PGPEP1L: variants seen among roughly 807,000 people sequenced by gnomAD.
PGPEP1L encodes the protein pyroglutamyl-peptidase I like, also known as pyroglutamyl-peptidase 1-like protein.
Under a neutral mutation model 6.0 loss-of-function variants are expected in PGPEP1L, and 7 were observed. That is an observed-to-expected ratio of 1.17 (90% CI 0.66 to 2.19). PGPEP1L has a LOEUF of 2.19. Among genes scored for constraint, PGPEP1L ranks in the 30% most tolerant of loss-of-function variants. The probability of loss-of-function intolerance (pLI) is 0.00; values close to 1 mark genes in which losing one functional copy is unlikely to be tolerated. For synonymous variants in PGPEP1L, 103 were observed against 83.9 expected (o/e 1.23, Z -1.24); for missense variants, 209 against 192.5 (o/e 1.09, Z -0.51).
At chr15:98,985,481 T>C (rs1409960891) in intron 2 of PGPEP1L, among the ~76,000 whole-genome samples, 1 of 152,206 alleles carries the variant, frequency 6.6e-6, no homozygotes, top group Non-Finnish European at 1.5e-5. Flanking sequence ...GAAGTTGCAG[T>C]GAGCCAAGAT....
At chr15:98,982,339 T>TATTCTTGTGGATTCTTGTGG (rs147120387) in intron 2 of PGPEP1L, among the ~76,000 whole-genome samples, 2 of 152,138 alleles carry the variant, frequency 1.3e-5, no homozygotes, top group African/African-American at 4.8e-5. Context: ...ACAGTCCCCA[T>TATTCTTGTGGATTCTTGTGG]ATTCTTGTGG....
At chr15:98,973,510 T>C (rs1485657086) in intron 2 of PGPEP1L, among the ~76,000 whole-genome samples, 1 of 152,190 alleles carries the variant, frequency 6.6e-6, no homozygotes, top group Non-Finnish European at 1.5e-5. Context: ...ATCAAGTATC[T>C]TTTCTGACCA....
chr15:98,978,359 G>C (rs1359831997), intron 2 of PGPEP1L, among the ~76,000 whole-genome samples: 1 of 152,180 alleles, frequency 6.6e-6, no homozygotes, highest in Non-Finnish European at 1.5e-5. Flanking sequence ...ACAGATGTCA[G>C]TGTAGAGTCC....
intron 2 of PGPEP1L, among the ~76,000 whole-genome samples, chr15:98,987,935 A>G (rs2017770619): frequency 6.6e-6 from 1 of 152,076 alleles, no homozygotes; most frequent in South Asian, 2.1e-4. Flanking sequence ...CTGTACTAGG[A>G]GGAACAGTGC....
chr15:98,971,599 A>C (rs1171127980), intron 2 of PGPEP1L, among the ~76,000 whole-genome samples: 1 of 152,236 alleles, frequency 6.6e-6, no homozygotes, highest in African/African-American at 2.4e-5. Context: ...AGAAGAAATA[A>C]AGACTTTCCC....
chr15:98,969,523 G>C lies in PGPEP1L; in HGVS notation c.111C>G (p.Gly37=). Reference sequence around the variant, plus strand: ...CCCCTGACTCCAGCACGTCTGGGCTGCCAGGTAGGCACACGCCGCCCTCGG... The same window carrying C: ...CCCCTGACTCCAGCACGTCTGGGCTCCCAGGTAGGCACACGCCGCCCTCGG... ...FWPEGGVCLP[G]SPDVLESGVC... The change falls in exon 4 of 5, where the codon GGC becomes GGG. Residue 37 remains glycine (G), a synonymous_variant. Transcript: ENST00000535714. 6.2e-7 allele frequency: 1 copy of C among 1,614,024 alleles called. No individual in the cohort carries two copies. Among genetic ancestry groups the C allele is most frequent in the Non-Finnish European group, 8.5e-7 (1 of 1,179,910 alleles).
At chr15:98,972,451 G>C (rs1370404680) in intron 2 of PGPEP1L, among the ~76,000 whole-genome samples, 1 of 151,954 alleles carries the variant, frequency 6.6e-6, no homozygotes, top group Non-Finnish European at 1.5e-5. Flanking sequence ...AATAAAGATA[G>C]TAAGAGAGGA....
intron 2 of PGPEP1L, among the ~76,000 whole-genome samples, chr15:98,987,638 T>G (rs1200937255): frequency 1.3e-5 from 2 of 152,156 alleles, no homozygotes; most frequent in Non-Finnish European, 2.9e-5. Flanking sequence ...TACTTATCTG[T>G]TTTGTAATTT....
intron 2 of PGPEP1L, among the ~76,000 whole-genome samples, chr15:98,983,478 G>A (rs2017698779): frequency 1.3e-5 from 2 of 152,126 alleles, no homozygotes; most frequent in East Asian, 1.9e-4. Context: ...TAATGTCTTG[G>A]CCCAACTGAC....
At chr15:99,006,444 A>G (rs782393872) in intron 1 of PGPEP1L, among the ~76,000 whole-genome samples, 17 of 152,284 alleles carry the variant, frequency 1.1e-4, no homozygotes, top group Non-Finnish European at 1.5e-5. Flanking sequence ...TGTCAGAATA[A>G]CTGAAAAAGG....
At chr15:98,984,897 G>T (rs1010190723) in intron 2 of PGPEP1L, among the ~76,000 whole-genome samples, 2 of 152,068 alleles carry the variant, frequency 1.3e-5, no homozygotes, top group African/African-American at 4.8e-5. Flanking sequence ...AGACAAACTC[G>T]ACTGGCAGAG....
chr15:98,996,791 C>A (rs544777029), intron 2 of PGPEP1L, among the ~76,000 whole-genome samples: 1 of 152,248 alleles, frequency 6.6e-6, no homozygotes, highest in South Asian at 2.1e-4. Flanking sequence ...TCTACCTTAT[C>A]TGTGAATCAT....
At chr15:98,971,469 G>C (rs1409106434) in intron 2 of PGPEP1L, among the ~76,000 whole-genome samples, 1 of 152,096 alleles carries the variant, frequency 6.6e-6, no homozygotes, top group Non-Finnish European at 1.5e-5. Context: ...GCTCCAGCCT[G>C]GGTGACAGAG....
intron 2 of PGPEP1L, among the ~76,000 whole-genome samples, chr15:99,002,408 G>C (rs116118387): frequency 0.017 from 2,632 of 152,236 alleles, 86 homozygotes; most frequent in African/African-American, 0.06. Context: ...GAGCTAGCAC[G>C]AGTGAGCTTT....
chr15:98,977,215 G>A (rs2017583378), intron 2 of PGPEP1L, among the ~76,000 whole-genome samples: 1 of 151,454 alleles, frequency 6.6e-6, no homozygotes, highest in Non-Finnish European at 1.5e-5. Context: ...GATTTCTATT[G>A]TTATATTTCT....
intron 2 of PGPEP1L, among the ~76,000 whole-genome samples, chr15:98,983,052 C>T (rs1245217421): frequency 6.6e-6 from 1 of 151,860 alleles, no homozygotes; most frequent in East Asian, 1.9e-4. Context: ...AACAAACCCA[C>T]TCTGGACTAA....
At chr15:98,995,803 T>C (rs1177877477) in intron 2 of PGPEP1L, among the ~76,000 whole-genome samples, 2 of 152,182 alleles carry the variant, frequency 1.3e-5, no homozygotes, top group African/African-American at 2.4e-5. Context: ...TATTCATTAA[T>C]TGTCACTCCC....
At position 98,982,700 on chromosome 15, in the gene PGPEP1L, C is replaced by CTTTTTTTT. The variant is rs369749842; in HGVS notation, c.-141-11550_-141-11543dup. On this transcript the variant is annotated intron_variant, in intron 2 of 4. Transcript: ENST00000535714. ...TCACTCTGGTTATTTTTATCTGAGG[C>CTTTTTTTT]TTTTTTTTTTTTTTTTTTTTTTTTT... Among the ~76,000 whole-genome samples the CTTTTTTTT allele has an allele frequency of 5.7e-4, 30 of 52,498 alleles. 4 individuals are homozygous for CTTTTTTTT. The highest frequency in any genetic ancestry group is 5.9e-4 in the Non-Finnish European group (14 of 23,884). The allele number at this position is 52,498 out of a possible 152,430, so 34.4% of individuals were successfully genotyped here.
At chr15:98,978,653 C>T (rs983070030) in intron 2 of PGPEP1L, among the ~76,000 whole-genome samples, 6 of 150,560 alleles carry the variant, frequency 4.0e-5, no homozygotes, top group Non-Finnish European at 8.8e-5. Context: ...AAGTAACCTG[C>T]CTGATTTCCA....
Sources: allele counts gnomAD v4.1 joint callset (sites outside exome capture counted in the v4.1 genomes callset), GRCh38; gene constraint gnomAD v4.1.1; transcripts MANE v1.5; gene names NCBI Gene and HGNC (gene_info 2026-07-23, HGNC 2026-07-21).